RAD51B: variants seen among roughly 807,000 people sequenced by gnomAD.
RAD51B encodes DNA repair protein RAD51 homolog 2.
In RAD51B, 38 loss-of-function variants were observed where a neutral mutation model predicts 42.2. The ratio of observed to expected loss-of-function variants is 0.90; its 90% CI spans 0.70 to 1.18. The LOEUF (loss-of-function observed/expected upper bound fraction) is 1.18. RAD51B is among the 50% of genes most tolerant of loss of function. The pLI is 0.00. For missense variants in RAD51B, 373 were observed against 400.7 expected, an observed-to-expected ratio of 0.93 and a Z score of 0.59; for synonymous variants, 154 against 145.2, an observed-to-expected ratio of 1.06 and a Z score of -0.43.
chr14:68,450,780 A>G (rs1442343744), intron 9 of RAD51B, among the ~76,000 whole-genome samples: 1 of 152,228 alleles, frequency 6.6e-6, no homozygotes, highest in Non-Finnish European at 1.5e-5. Flanking sequence ...ACCGGGAAAG[A>G]GAGAGAAAAA....
chr14:68,225,640 G>C (rs1450793954), intron 7 of RAD51B, among the ~76,000 whole-genome samples: 2 of 152,184 alleles, frequency 1.3e-5, no homozygotes, highest in Admixed American at 1.3e-4. Flanking sequence ...AGGTGGCTGA[G>C]AGTTCAGCCA....
At chr14:68,004,065 A>G (rs1034583184) in intron 7 of RAD51B, among the ~76,000 whole-genome samples, 1 of 152,078 alleles carries the variant, frequency 6.6e-6, no homozygotes, top group Non-Finnish European at 1.5e-5. Context: ...TAAAAAGAAT[A>G]TATTGCTGTA....
At chr14:68,609,447 A>G (rs1891585534) in intron 10 of RAD51B, among the ~76,000 whole-genome samples, 1 of 151,998 alleles carries the variant, frequency 6.6e-6, no homozygotes, top group African/African-American at 2.4e-5. Context: ...CACCCCCCTC[A>G]GAGCTCACTC....
chr14:68,490,357 T>C (rs1594906101), intron 10 of RAD51B, among the ~76,000 whole-genome samples: 1 of 152,236 alleles, frequency 6.6e-6, no homozygotes, highest in African/African-American at 2.4e-5. Flanking sequence ...ACTCAGGGGT[T>C]GAAACTTGTG....
chr14:68,364,493 C>A (rs532014709), intron 8 of RAD51B, among the ~76,000 whole-genome samples: 1 of 152,176 alleles, frequency 6.6e-6, no homozygotes, highest in South Asian at 2.1e-4. Context: ...GGAGGACCGC[C>A]GGGCGCGGTG....
intron 7 of RAD51B, among the ~76,000 whole-genome samples, chr14:68,043,745 G>C (rs926697637): frequency 5.9e-5 from 9 of 152,212 alleles, no homozygotes; most frequent in Non-Finnish European, 1.2e-4. Context: ...TAAGTAGGGA[G>C]AGTAACCCTC....
chr14:68,250,332 C>CTTTTAAGCTAAGCTTTTA (rs1459543477), intron 7 of RAD51B, among the ~76,000 whole-genome samples: 1 of 152,174 alleles, frequency 6.6e-6, no homozygotes, highest in African/African-American at 2.4e-5. Context: ...CTTCACTATG[C>CTTTTAAGCTAAGCTTTTA]AGGCTATGCT....
At chr14:68,179,234 A>C (rs942489422) in intron 7 of RAD51B, among the ~76,000 whole-genome samples, 7 of 152,266 alleles carry the variant, frequency 4.6e-5, no homozygotes, top group Middle Eastern at 3.4e-3. Context: ...GATGTTTCTC[A>C]TGTATCCCTA....
intron 10 of RAD51B, among the ~76,000 whole-genome samples, chr14:68,592,490 A>G (rs1347584646): frequency 6.6e-6 from 1 of 152,208 alleles, no homozygotes; most frequent in East Asian, 1.9e-4. Context: ...GTGAGGTACA[A>G]GTATCACTAT....
At chr14:67,963,820 G>T (rs570820139) in intron 7 of RAD51B, among the ~76,000 whole-genome samples, 227 of 151,688 alleles carry the variant, frequency 1.5e-3, no homozygotes, top group African/African-American at 5.3e-3. Flanking sequence ...AAAAATTAGG[G>T]TTTTTCTTTT....
intron 7 of RAD51B, among the ~76,000 whole-genome samples, chr14:68,104,108 G>C (rs1419962280): frequency 6.6e-6 from 1 of 152,204 alleles, no homozygotes; most frequent in Admixed American, 6.5e-5. Context: ...AACGTACACA[G>C]AGTGAGAGAG....
At chr14:68,134,110 C>A (rs568377324) in intron 7 of RAD51B, among the ~76,000 whole-genome samples, 1 of 152,288 alleles carries the variant, frequency 6.6e-6, no homozygotes, top group African/African-American at 2.4e-5. Context: ...CCACACCCAC[C>A]CCATCTCATA....
At chr14:68,344,636 G>C (rs1444474737) in intron 8 of RAD51B, among the ~76,000 whole-genome samples, 1 of 147,326 alleles carries the variant, frequency 6.8e-6, no homozygotes, top group Non-Finnish European at 1.5e-5. Context: ...GACAGAGCGA[G>C]ACTCCGTCTC....
At chr14:68,082,470 A>AAT (rs2076925647) in intron 7 of RAD51B, among the ~76,000 whole-genome samples, 1 of 135,102 alleles carries the variant, frequency 7.4e-6, no homozygotes, top group African/African-American at 3.3e-5. Context: ...GCATAGGAGA[A>AAT]AGATATATAT....
intron 8 of RAD51B, among the ~76,000 whole-genome samples, chr14:68,333,303 T>C (rs753216688): frequency 1.5e-4 from 23 of 152,328 alleles, no homozygotes; most frequent in Middle Eastern, 3.4e-3. Context: ...AACCTGGGCA[T>C]TCAACTTTAC....
intron 7 of RAD51B, among the ~76,000 whole-genome samples, chr14:68,207,352 A>C (rs2079613816): frequency 1.3e-5 from 2 of 152,206 alleles, no homozygotes; most frequent in African/African-American, 4.8e-5. Context: ...TTACTTGCCC[A>C]ATTCAGTTTT....
intron 7 of RAD51B, among the ~76,000 whole-genome samples, chr14:68,006,140 C>T (rs934634023): frequency 2.6e-5 from 4 of 152,178 alleles, no homozygotes; most frequent in African/African-American, 9.7e-5. Context: ...TATACTTGAA[C>T]GTAAGATTTG....
At chr14:68,036,037 C>T (rs1284859210) in intron 7 of RAD51B, among the ~76,000 whole-genome samples, 2 of 152,160 alleles carry the variant, frequency 1.3e-5, no homozygotes, top group African/African-American at 4.8e-5. Flanking sequence ...CCCTGTTATC[C>T]GTGGTTTATC....
chr14:68,396,097 C>T (rs953186708), intron 8 of RAD51B, among the ~76,000 whole-genome samples: 8 of 152,216 alleles, frequency 5.3e-5, no homozygotes, highest in African/African-American at 1.9e-4. Flanking sequence ...ACACGGGCAC[C>T]GGCAGAGTTG....
Sources: gnomAD v4.1 joint callset for allele counts (sites outside exome capture counted in the v4.1 genomes callset) on GRCh38, gnomAD v4.1.1 for gene constraint, MANE v1.5 for transcripts, NCBI Gene and HGNC (gene_info 2026-07-23, HGNC 2026-07-21) for gene names.